Variants in GPC6 observed in about 807,000 individuals in gnomAD.
GPC6 encodes glypican-6.
In GPC6, 14 loss-of-function variants were observed where a neutral mutation model predicts 55.2. The ratio of observed to expected loss-of-function variants is 0.25; its 90% confidence interval spans 0.17 to 0.40. The LOEUF (loss-of-function observed/expected upper bound fraction) is 0.40. Among genes scored for constraint, GPC6 ranks in the 10% least tolerant of loss-of-function variants. GPC6 has a pLI of 1.00. For missense variants in GPC6, 641 were observed against 708.5 expected (o/e 0.90, Z 1.08); for synonymous variants, 278 against 259.6 (o/e 1.07, Z -0.68).
chr13:93,242,021 G>A (rs1876448470), intron 1 of GPC6, among the ~76,000 whole-genome samples: 2 of 152,136 alleles, frequency 1.3e-5, no homozygotes, highest in Non-Finnish European at 1.5e-5. Context: ...ACTGTCTCCT[G>A]TGGTGCTGGA....
intron 4 of GPC6, among the ~76,000 whole-genome samples, chr13:94,076,027 G>T (rs2138789295): frequency 6.6e-6 from 1 of 152,018 alleles, no homozygotes; most frequent in South Asian, 2.1e-4. Context: ...ATATTTTGAG[G>T]AACCTCCTTA....
chr13:93,327,870 GA>G (rs1879711855), intron 1 of GPC6, among the ~76,000 whole-genome samples: 1 of 151,980 alleles, frequency 6.6e-6, no homozygotes, highest in Admixed American at 6.6e-5. Flanking sequence ...TTTCAGACTT[GA>G]AATTGGTGGC....
chr13:93,486,018 G>A (rs1248343327), intron 1 of GPC6, among the ~76,000 whole-genome samples: 2 of 152,118 alleles, frequency 1.3e-5, no homozygotes, highest in Non-Finnish European at 2.9e-5. Context: ...GGTAGGTGGA[G>A]GAAGAATAGG....
chr13:94,280,144 A>G (rs1892332729), intron 4 of GPC6, among the ~76,000 whole-genome samples: 3 of 152,180 alleles, frequency 2.0e-5, no homozygotes, highest in African/African-American at 7.2e-5. Context: ...GTGCATTTAT[A>G]TTTAGGATAG....
chr13:94,164,290 G>T (rs770716679), intron 4 of GPC6, among the ~76,000 whole-genome samples: 5 of 152,138 alleles, frequency 3.3e-5, no homozygotes, highest in African/African-American at 9.7e-5. Flanking sequence ...TTTGTAGTTT[G>T]CACATTACTT....
At chr13:93,961,564 G>A (rs1320472891) in intron 3 of GPC6, among the ~76,000 whole-genome samples, 1 of 152,138 alleles carries the variant, frequency 6.6e-6, no homozygotes, top group East Asian at 1.9e-4. Flanking sequence ...GAGTAACACA[G>A]AATAGCTTTT....
At chr13:94,089,755 G>A (rs1479918318) in intron 4 of GPC6, among the ~76,000 whole-genome samples, 1 of 152,100 alleles carries the variant, frequency 6.6e-6, no homozygotes, top group African/African-American at 2.4e-5. Context: ...TGTCCATTGG[G>A]TGACTCAGAT....
intron 3 of GPC6, among the ~76,000 whole-genome samples, chr13:93,920,160 A>G (rs1877495130): frequency 6.6e-6 from 1 of 151,982 alleles, no homozygotes; most frequent in Non-Finnish European, 1.5e-5. Flanking sequence ...AATTTCTTCA[A>G]GTCTAATCTT....
chr13:94,311,093 C>T (rs1343194067), intron 6 of GPC6, among the ~76,000 whole-genome samples: 1 of 152,164 alleles, frequency 6.6e-6, no homozygotes, highest in Non-Finnish European at 1.5e-5. Context: ...ATATTTTTTA[C>T]TTGAAAGATT....
rs569415002 is a variant in GPC6, at chr13:93,818,817, G to A, written c.320-11337G>A. On this transcript the variant is annotated intron_variant, in intron 2 of 8. Coordinates refer to ENST00000377047, the MANE Select transcript of GPC6 (RefSeq NM_005708.5). ...GTAAAGAGAAGGGAAAGGAAATGAA[G>A]GAAAGAATAGAATTGGGAGTTTTCA... 2.6e-5 allele frequency: 4 copies of A among 152,258 alleles called. No homozygotes were observed. The East Asian group carries it at 5.8e-4, about 22-fold the overall frequency. 9.4% of individuals were successfully genotyped at this position (152,258 alleles called of 1,614,324 possible).
rs144591795 is a variant in GPC6, at chr13:93,836,660, C to T, written c.711+6115C>T. On this transcript the variant is annotated intron_variant, in intron 3 of 8. Transcript: ENST00000377047. ...CTTACAACTTTTAAATCAGCATAATCTGTGACTGCTGTCTTATGATGGTAT... is the reference window on the plus strand; with the variant it reads ...CTTACAACTTTTAAATCAGCATAATTTGTGACTGCTGTCTTATGATGGTAT... 2.4e-4 allele frequency among the ~76,000 whole-genome samples: 36 copies of T among 152,256 alleles called. 1 individual carries two copies. In the East Asian group the frequency reaches 5.6e-3, roughly 24 times the overall value.
intron 2 of GPC6, among the ~76,000 whole-genome samples, chr13:93,758,876 A>C (rs975996483): frequency 6.6e-6 from 1 of 152,048 alleles, no homozygotes; most frequent in Admixed American, 6.6e-5. Context: ...TTAATTTTTA[A>C]TGTGGGGCTC....
intron 6 of GPC6, among the ~76,000 whole-genome samples, chr13:94,329,929 G>C (rs1040419238): frequency 6.6e-6 from 1 of 152,130 alleles, no homozygotes; most frequent in Non-Finnish European, 1.5e-5. Flanking sequence ...AGCCTCTAAA[G>C]TTTCATCATG....
At chr13:93,847,459 G>T (rs1186708984) in intron 3 of GPC6, among the ~76,000 whole-genome samples, 1 of 151,992 alleles carries the variant, frequency 6.6e-6, no homozygotes, top group Non-Finnish European at 1.5e-5. Flanking sequence ...TAGATTTGAG[G>T]GTGTTTCACA....
intron 4 of GPC6, among the ~76,000 whole-genome samples, chr13:94,121,038 AG>A (rs910593795): frequency 2.6e-5 from 4 of 152,114 alleles, no homozygotes; most frequent in Non-Finnish European, 5.9e-5. Flanking sequence ...GATTAATGGG[AG>A]GGAAACACCC....
intron 4 of GPC6, among the ~76,000 whole-genome samples, chr13:94,158,708 A>C (rs1888046376): frequency 6.6e-6 from 1 of 151,934 alleles, no homozygotes; most frequent in South Asian, 2.1e-4. Flanking sequence ...GTAAAATTTT[A>C]CCACTTCGTA....
Position 93,324,612 on chromosome 13 carries a change from A to ATATATATATATATATATATATATATAT in GPC6, c.160+96996_160+96997insTATATATATATATATATATATATATAT, listed in dbSNP as rs1566299683. Among the ~76,000 whole-genome samples the ATATATATATATATATATATATATATAT allele has an allele frequency of 7.7e-5, 7 of 91,476 alleles. No homozygotes were observed. In the East Asian group the frequency reaches 3.0e-3, roughly 39 times the overall value. The allele number at this position is 91,476 out of a possible 152,430, so 60.0% of individuals were successfully genotyped here. Reference sequence around the variant, plus strand: ...CATATATATATATATATATATATATAAAATCTCTGAGCAGCCTAGACAACA... The same window carrying ATATATATATATATATATATATATATAT: ...CATATATATATATATATATATATATATATATATATATATATATATATATATATAAATCTCTGAGCAGCCTAGACAACA... On this transcript the variant is annotated intron_variant, in intron 1 of 8. Coordinates refer to ENST00000377047, the MANE Select transcript of GPC6 (RefSeq NM_005708.5).
At chr13:93,989,047 A>C (rs973036877) in intron 3 of GPC6, among the ~76,000 whole-genome samples, 1 of 152,182 alleles carries the variant, frequency 6.6e-6, no homozygotes, top group African/African-American at 2.4e-5. Context: ...CATTTTTTAG[A>C]GTAGGAAACT....
At chr13:93,350,716 T>A (rs1175115585) in intron 1 of GPC6, among the ~76,000 whole-genome samples, 3 of 152,172 alleles carry the variant, frequency 2.0e-5, no homozygotes, top group Admixed American at 1.3e-4. Flanking sequence ...CCAGAGAATC[T>A]TAAGTAGATC....
Sources: allele counts gnomAD v4.1 joint callset (sites outside exome capture counted in the v4.1 genomes callset), GRCh38; gene constraint gnomAD v4.1.1; transcripts MANE v1.5; gene names NCBI Gene and HGNC (gene_info 2026-07-23, HGNC 2026-07-21).